PTPRD: variants seen among roughly 807,000 people sequenced by gnomAD.
PTPRD encodes protein tyrosine phosphatase receptor type D, also known as receptor-type tyrosine-protein phosphatase delta.
In PTPRD, 34 loss-of-function variants were observed where a neutral mutation model predicts 214.5. The ratio of observed to expected loss-of-function variants is 0.16; its 90% confidence interval spans 0.12 to 0.21. The LOEUF (loss-of-function observed/expected upper bound fraction) is 0.21. Ranked by LOEUF, PTPRD falls within the 10% of genes least tolerant of loss-of-function variation. The pLI, the probability that PTPRD is intolerant of heterozygous loss-of-function variation, is 1.00. For synonymous variants in PTPRD, 1,128 were observed against 845.7 expected (o/e 1.33, Z -5.79); for missense variants, 2,545 against 2,398.7 (o/e 1.06, Z -1.27).
At chr9:8,989,897 T>C (rs1473120910) in intron 11 of PTPRD, among the ~76,000 whole-genome samples, 1 of 152,102 alleles carries the variant, frequency 6.6e-6, no homozygotes, top group African/African-American at 2.4e-5. Context: ...TGAAATAAAA[T>C]TGCCCATATA....
At chr9:10,359,962 A>G (rs11789169) in intron 2 of PTPRD, among the ~76,000 whole-genome samples, 7,595 of 152,278 alleles carry the variant, frequency 0.05, 261 homozygotes, top group Non-Finnish European at 0.075. Context: ...GCTGCATTTG[A>G]ATCTTTTATA....
chr9:9,050,923 G>A (rs72694924), intron 10 of PTPRD, among the ~76,000 whole-genome samples: 11,377 of 152,228 alleles, frequency 0.075, 570 homozygotes, highest in Non-Finnish European at 0.11. Flanking sequence ...TATCCACAGT[G>A]TCAGGCATCC....
chr9:10,093,180 A>T (rs1374618795), intron 3 of PTPRD, among the ~76,000 whole-genome samples: 1 of 151,702 alleles, frequency 6.6e-6, no homozygotes, highest in Non-Finnish European at 1.5e-5. Flanking sequence ...AAAATGAGAG[A>T]AAATATAAGC....
chr9:9,138,863 T>C (rs2099855287), intron 10 of PTPRD, among the ~76,000 whole-genome samples: 1 of 152,184 alleles, frequency 6.6e-6, no homozygotes, highest in African/African-American at 2.4e-5. Flanking sequence ...AATGCTACCA[T>C]TCTAGGCTAA....
chr9:9,402,979 A>C (rs867106014), intron 8 of PTPRD, among the ~76,000 whole-genome samples: 8,459 of 144,034 alleles, frequency 0.059, 354 homozygotes, highest in Middle Eastern at 0.088. Flanking sequence ...AAAAAAAAAA[A>C]AAAAAAAAAA....
chr9:8,693,107 G>A (rs927369990), intron 12 of PTPRD, among the ~76,000 whole-genome samples: 3 of 152,222 alleles, frequency 2.0e-5, no homozygotes, highest in South Asian at 4.1e-4. Context: ...TGCGCCGGGA[G>A]TTTTGGGGAT....
At chr9:10,463,242 G>A (rs1444937664) in intron 2 of PTPRD, among the ~76,000 whole-genome samples, 1 of 151,966 alleles carries the variant, frequency 6.6e-6, no homozygotes, top group Admixed American at 6.6e-5. Flanking sequence ...GCTTTTTGTT[G>A]TTACAATTTT....
intron 7 of PTPRD, among the ~76,000 whole-genome samples, chr9:9,651,821 G>A (rs919023986): frequency 2.4e-5 from 3 of 127,508 alleles, no homozygotes; most frequent in African/African-American, 8.9e-5. Flanking sequence ...ATTTATTCAA[G>A]GTTTGTTTTT....
At chr9:9,777,611 T>C (rs537382732) in intron 5 of PTPRD, among the ~76,000 whole-genome samples, 1 of 152,062 alleles carries the variant, frequency 6.6e-6, no homozygotes, top group African/African-American at 2.4e-5. Context: ...GGTGGGAGAA[T>C]TGCTTGAGCC....
At chr9:8,451,742 A>C in intron 33 of PTPRD, 1 of 312,952 alleles carries the variant, frequency 3.2e-6, no homozygotes, top group South Asian at 2.8e-5. Flanking sequence ...CATTTTGCAT[A>C]AGTTGGCAAG....
chr9:10,537,506 T>C (rs1209272883), intron 2 of PTPRD, among the ~76,000 whole-genome samples: 1 of 152,178 alleles, frequency 6.6e-6, no homozygotes, highest in Non-Finnish European at 1.5e-5. Flanking sequence ...CTAAAAATTG[T>C]CAAAATTGAA....
At chr9:8,636,635 G>T in intron 13 of PTPRD, 64 bp downstream of exon 13, 1 of 1,572,264 alleles carries the variant, frequency 6.4e-7, no homozygotes, top group South Asian at 1.1e-5. Flanking sequence ...AGCAAGTAAC[G>T]TAGAAACCAA....
intron 8 of PTPRD, among the ~76,000 whole-genome samples, chr9:9,531,531 C>T (rs2075460645): frequency 6.6e-6 from 1 of 152,016 alleles, no homozygotes; most frequent in African/African-American, 2.4e-5. Flanking sequence ...GTTGGGGTGG[C>T]AAAAATCTTA....
chr9:8,986,328 T>C (rs902523887), intron 11 of PTPRD, among the ~76,000 whole-genome samples: 14 of 152,028 alleles, frequency 9.2e-5, no homozygotes, highest in Non-Finnish European at 1.8e-4. Flanking sequence ...GGAAGTGATG[T>C]AGAATCATTG....
At chr9:10,172,735 G>C (rs1470439989) in intron 3 of PTPRD, among the ~76,000 whole-genome samples, 2 of 152,286 alleles carry the variant, frequency 1.3e-5, no homozygotes, top group East Asian at 3.9e-4. Flanking sequence ...ATTGTGTTTT[G>C]CTATCTGCTG....
chr9:9,068,372 A>G (rs1419845317), intron 10 of PTPRD, among the ~76,000 whole-genome samples: 3 of 152,172 alleles, frequency 2.0e-5, no homozygotes, highest in Non-Finnish European at 4.4e-5. Context: ...CATGAATGCA[A>G]TTACTGGTTG....
At chr9:10,146,124 A>G (rs180920566) in intron 3 of PTPRD, among the ~76,000 whole-genome samples, 318 of 148,964 alleles carry the variant, frequency 2.1e-3, no homozygotes, top group Non-Finnish European at 3.5e-3. Context: ...CTCTCAGCCC[A>G]AAGCTAAAAA....
intron 10 of PTPRD, among the ~76,000 whole-genome samples, chr9:9,167,784 T>C (rs2099907098): frequency 6.6e-6 from 1 of 152,036 alleles, no homozygotes; most frequent in Non-Finnish European, 1.5e-5. Flanking sequence ...GGAGAAAAGT[T>C]CATTGTTTTC....
intron 11 of PTPRD, among the ~76,000 whole-genome samples, chr9:9,013,678 C>A (rs1000351651): frequency 2.6e-5 from 4 of 152,074 alleles, no homozygotes; most frequent in Non-Finnish European, 4.4e-5. Flanking sequence ...TCATTGCATA[C>A]AGAAGCAACT....
Sources: gnomAD v4.1 joint callset for allele counts (sites outside exome capture counted in the v4.1 genomes callset) on GRCh38, gnomAD v4.1.1 for gene constraint, MANE v1.5 for transcripts, NCBI Gene and HGNC (gene_info 2026-07-23, HGNC 2026-07-21) for gene names.